The following SESTD1 variants were observed in gnomAD, a reference collection of about 807,000 sequenced individuals.
The protein encoded by SESTD1 is SEC14 domain and spectrin repeat-containing protein 1.
In SESTD1, 43 loss-of-function variants were observed where a neutral mutation model predicts 101.7. The ratio of observed to expected loss-of-function variants is 0.42; its 90% CI spans 0.33 to 0.55. The LOEUF is 0.55. Among genes scored for constraint, SESTD1 ranks in the 20% least tolerant of loss-of-function variants. The probability of loss-of-function intolerance (pLI) is 0.07; values close to 1 mark genes in which losing one functional copy is unlikely to be tolerated. For synonymous variants in SESTD1, 283 were observed against 286.8 expected, an observed-to-expected ratio of 0.99 and a Z score of 0.13; for missense variants, 647 against 815.1, an observed-to-expected ratio of 0.79 and a Z score of 2.51.
chr2:179,223,552 A>G (rs1332131359), intron 1 of SESTD1, among the ~76,000 whole-genome samples: 1 of 152,036 alleles, frequency 6.6e-6, no homozygotes, highest in Non-Finnish European at 1.5e-5. Flanking sequence ...TAAAAACTAA[A>G]AAAAAAAAAG....
intron 3 of SESTD1, 27 bp from the exon 4 acceptor site, chr2:179,176,565 T>C: frequency 1.3e-6 from 2 of 1,578,916 alleles, no homozygotes; most frequent in Non-Finnish European, 1.7e-6. Context: ...TTACAAAGCA[T>C]TAAAACAAGC....
At position 179,183,544 on chromosome 2, in the gene SESTD1, G is replaced by A. The variant is rs968313447; in HGVS notation, c.56-356C>T. 9.9e-5 allele frequency among the ~76,000 whole-genome samples: 15 copies of A among 151,978 alleles called. 1 individual carries two copies. Among genetic ancestry groups the A allele is most frequent in the Admixed American group, 3.3e-4 (5 of 15,244 alleles). On this transcript the variant is annotated intron_variant, in intron 2 of 17. Transcript: ENST00000428443. ...ATAAAATAAATTTCCAATCAACCTA[G>A]GAAGAAAATATTTAGGAGATAAGAA...
At chr2:179,261,274 A>G (rs1484529873) in intron 1 of SESTD1, among the ~76,000 whole-genome samples, 1 of 152,004 alleles carries the variant, frequency 6.6e-6, no homozygotes, top group Admixed American at 6.6e-5. Context: ...GTTTGGTTTG[A>G]TTTTTTTTAT....
rs144884060 is a variant in SESTD1, at chr2:179,145,521, G to C, written c.637+881C>G. Among the ~76,000 whole-genome samples, 72 of 152,272 alleles carry C rather than the reference G, an allele frequency of 4.7e-4. No individual in the cohort carries two copies. The East Asian group carries it at 8.7e-3, about 18-fold the overall frequency. ...TGAGCTATTATTAAAAAAAAGATCA[G>C]AAATAAAATTGAGGTATTTCAATTG... On this transcript the variant is annotated intron_variant, in intron 8 of 17. Transcript: ENST00000428443.
intron 9 of SESTD1, among the ~76,000 whole-genome samples, chr2:179,141,058 C>T (rs960975803): frequency 6.6e-6 from 1 of 152,200 alleles, no homozygotes; most frequent in Admixed American, 6.5e-5. Context: ...CACATCAATG[C>T]TTTTAATTAC....
chr2:179,196,529 C>T (rs191129715), intron 1 of SESTD1, among the ~76,000 whole-genome samples: 4 of 152,356 alleles, frequency 2.6e-5, no homozygotes, highest in African/African-American at 9.6e-5. Context: ...AAAAAGACAG[C>T]AGTAACCTCT....
intron 5 of SESTD1, 92 bp downstream of exon 5, chr2:179,172,028 C>CTT: frequency 1.3e-6 from 1 of 758,734 alleles, no homozygotes; most frequent in South Asian, 2.2e-5. Context: ...TTAAGCACTG[C>CTT]TTAGTAACCA....
At chr2:179,196,613 G>C (rs528710972) in intron 1 of SESTD1, among the ~76,000 whole-genome samples, 3 of 152,348 alleles carry the variant, frequency 2.0e-5, no homozygotes, top group South Asian at 2.1e-4. Flanking sequence ...AGAGATCTGA[G>C]AATGGGCAGA....
At chr2:179,116,194 A>T (rs1047509187) in intron 15 of SESTD1, among the ~76,000 whole-genome samples, 5 of 152,084 alleles carry the variant, frequency 3.3e-5, no homozygotes, top group African/African-American at 4.8e-5. Context: ...GAATCGCCTG[A>T]ACCTGGGAGG....
At chr2:179,153,049 T>C (rs576397964) in intron 5 of SESTD1, among the ~76,000 whole-genome samples, 119 of 152,234 alleles carry the variant, frequency 7.8e-4, no homozygotes, top group African/African-American at 2.6e-3. Flanking sequence ...TAAATAATGG[T>C]AACAACATAA....
intron 1 of SESTD1, among the ~76,000 whole-genome samples, chr2:179,239,527 A>G (rs2047118594): frequency 6.6e-6 from 1 of 152,158 alleles, no homozygotes; most frequent in African/African-American, 2.4e-5. Context: ...ACCCAGCTAC[A>G]CATTAGAATC....
At chr2:179,123,855 T>C (rs772363236) in intron 11 of SESTD1, 26 bp from the exon 12 acceptor site, 2 of 1,529,288 alleles carry the variant, frequency 1.3e-6, no homozygotes, top group South Asian at 1.1e-5. Context: ...ACCAAAGAGA[T>C]AACCCTGATG....
chr2:179,192,022 T>C (rs772238660), intron 1 of SESTD1, among the ~76,000 whole-genome samples, 156 bp from the exon 2 acceptor site: 10 of 152,174 alleles, frequency 6.6e-5, no homozygotes, highest in Middle Eastern at 3.2e-3. Context: ...CTGTGCATTG[T>C]AGAATAGTTT....
rs1349706547 is a variant in SESTD1, at chr2:179,116,758, A to G, written c.1557T>C (p.Ala519=). The part of the protein sequence containing the change: ...AVEWLSELLD[A]LLKTHIRLGD... ...CCAATCTGATGTGAGTCTTAAGCAG[A>G]GCATCCAGAAGTTCACTTAGCCATT... is the stretch of plus-strand genomic sequence containing the variant. The change falls in exon 15 of 18, where the codon GCT becomes GCC. Residue 519 remains alanine, a synonymous_variant. Transcript: ENST00000428443. 8 of 1,613,944 alleles carry G rather than the reference A, an allele frequency of 5.0e-6. No individual in the cohort carries two copies. The Admixed American group carries it at 5.0e-5, about 10-fold the overall frequency.
intron 3 of SESTD1, among the ~76,000 whole-genome samples, chr2:179,177,860 A>T (rs894539942): frequency 7.2e-5 from 11 of 152,248 alleles, no homozygotes; most frequent in African/African-American, 2.7e-4. Context: ...GACATTATTC[A>T]GCCATAAAAA....
chr2:179,197,568 G>T (rs1234763553), intron 1 of SESTD1, among the ~76,000 whole-genome samples: 1 of 152,174 alleles, frequency 6.6e-6, no homozygotes, highest in Non-Finnish European at 1.5e-5. Flanking sequence ...AGAAAGGTCG[G>T]GTTACCCTCA....
intron 1 of SESTD1, among the ~76,000 whole-genome samples, chr2:179,224,593 C>A (rs1244857294): frequency 6.6e-6 from 1 of 152,150 alleles, no homozygotes; most frequent in Non-Finnish European, 1.5e-5. Context: ...GAAATCAACC[C>A]TGTGAATAAA....
rs1207499731 is a variant in SESTD1 at position 179,211,850 on chromosome 2, C to G, written c.-25-19984G>C. Among the ~76,000 whole-genome samples the G allele has an allele frequency of 1.5e-5, 2 of 130,186 alleles. 1 individual carries two copies. The highest frequency in any genetic ancestry group is 6.2e-5 in the African/African-American group (2 of 32,358). The allele number at this position is 130,186 out of a possible 152,430, so 85.4% of individuals were successfully genotyped here. On this transcript the variant is annotated intron_variant, in intron 1 of 17. Transcript: ENST00000428443. ...AGAATGATATAATGGACTCTGGGGA[C>G]TCAGGGGGAAGGGTGGGAGGGGGAT...
chr2:179,158,348 T>C (rs950470335), intron 5 of SESTD1, among the ~76,000 whole-genome samples: 1 of 152,178 alleles, frequency 6.6e-6, no homozygotes, highest in Non-Finnish European at 1.5e-5. Context: ...TCCACACTGG[T>C]TAGCCTTACC....
Sources: gnomAD v4.1 joint callset for allele counts (sites outside exome capture counted in the v4.1 genomes callset) on GRCh38, gnomAD v4.1.1 for gene constraint, MANE v1.5 for transcripts, NCBI Gene and HGNC (gene_info 2026-07-23, HGNC 2026-07-21) for gene names.